The following OTUD7A variants were observed in gnomAD, a reference collection of about 807,000 sequenced individuals.
OTUD7A encodes the protein OTU domain-containing protein 7A.
Under a neutral mutation model 65.7 loss-of-function variants are expected in OTUD7A, and 12 were observed. The observed-to-expected ratio is 0.18, with a 90% CI of 0.12 to 0.30. OTUD7A has a LOEUF of 0.30. Ranked by LOEUF, OTUD7A falls within the 10% of genes least tolerant of loss-of-function variation. The pLI is 1.00. For synonymous variants in OTUD7A, 641 were observed against 586.3 expected, an observed-to-expected ratio of 1.09 and a Z score of -1.35; for missense variants, 1,148 against 1,304.8, an observed-to-expected ratio of 0.88 and a Z score of 1.85.
intron 3 of OTUD7A, among the ~76,000 whole-genome samples, chr15:31,612,182 G>A (rs1160329818): frequency 4.6e-5 from 7 of 152,146 alleles, no homozygotes; most frequent in Non-Finnish European, 1.0e-4. Context: ...CAAACCCACA[G>A]CCAACATAAT....
intron 1 of OTUD7A, among the ~76,000 whole-genome samples, chr15:31,848,037 A>G (rs1198675376): frequency 6.6e-6 from 1 of 152,158 alleles, no homozygotes; most frequent in Non-Finnish European, 1.5e-5. Context: ...CCCACATGAG[A>G]TTGGGGAGGG....
intron 8 of OTUD7A, among the ~76,000 whole-genome samples, chr15:31,507,673 C>T (rs929070685): frequency 6.6e-6 from 1 of 151,754 alleles, no homozygotes; most frequent in African/African-American, 2.4e-5. Context: ...CCTTATTGGC[C>T]CCTCCCATGT....
intron 1 of OTUD7A, among the ~76,000 whole-genome samples, chr15:31,720,473 C>T (rs1452361528): frequency 1.3e-5 from 2 of 151,082 alleles, no homozygotes; most frequent in African/African-American, 2.4e-5. Context: ...GCTCTCAGCT[C>T]ACTGTAGGCT....
chr15:31,829,063 T>C (rs1486076957), intron 1 of OTUD7A, among the ~76,000 whole-genome samples: 4 of 152,192 alleles, frequency 2.6e-5, no homozygotes, highest in Non-Finnish European at 4.4e-5. Context: ...TACATGATCA[T>C]GTCAACTAAT....
chr15:31,836,745 A>G (rs1233782964), intron 1 of OTUD7A, among the ~76,000 whole-genome samples: 1 of 152,206 alleles, frequency 6.6e-6, no homozygotes, highest in Non-Finnish European at 1.5e-5. Context: ...TCTAAAAACC[A>G]CCAGATCATA....
At chr15:31,506,390 G>A (rs1400142571) in intron 8 of OTUD7A, among the ~76,000 whole-genome samples, 2 of 152,016 alleles carry the variant, frequency 1.3e-5, no homozygotes, top group East Asian at 1.9e-4. Flanking sequence ...CCAGAATAAC[G>A]TGGACTTAAA....
In OTUD7A at chr15:31,767,429, C is replaced by G. The variant is rs1201748420; in HGVS notation, c.-100+103078G>C. 2.5e-5 allele frequency: 19 copies of G among 774,194 alleles called. No homozygotes were observed. In the Admixed American group the frequency reaches 3.2e-4, roughly 13 times the overall value. The allele number at this position is 774,194 out of a possible 1,614,324, so 48.0% of individuals were successfully genotyped here. A position where few individuals can be genotyped will look rare whatever the true frequency, so the allele number is the denominator to read the frequency against. On this transcript the variant is annotated intron_variant, in intron 1 of 12. Coordinates refer to ENST00000307050, the MANE Select transcript of OTUD7A (RefSeq NM_001382637.1). ...CAAATCCAACATAAGTTGGATTATT[C>G]ATATCATTGCTTCTTGGCCAATTTG... is the stretch of plus-strand genomic sequence containing the variant.
chr15:31,681,208 C>T (rs1282549091), intron 1 of OTUD7A, among the ~76,000 whole-genome samples: 1 of 151,476 alleles, frequency 6.6e-6, no homozygotes, highest in Admixed American at 6.6e-5. Context: ...TTTCTGTCTC[C>T]CCTTCTGTTG....
chr15:31,829,206 A>T (rs1346098884), intron 1 of OTUD7A, among the ~76,000 whole-genome samples: 1 of 152,218 alleles, frequency 6.6e-6, no homozygotes, highest in Non-Finnish European at 1.5e-5. Flanking sequence ...TCCTTGGAGG[A>T]CAGGGGTGGC....
chr15:31,637,284 C>G (rs1412331237), intron 3 of OTUD7A, among the ~76,000 whole-genome samples: 2 of 152,202 alleles, frequency 1.3e-5, no homozygotes, highest in African/African-American at 4.8e-5. Flanking sequence ...GACACTAAAT[C>G]TACTCTTCCT....
intron 6 of OTUD7A, among the ~76,000 whole-genome samples, chr15:31,529,587 G>A (rs1029353768): frequency 1.9e-4 from 29 of 152,342 alleles, no homozygotes; most frequent in African/African-American, 7.0e-4. Context: ...AAGCAGGTAA[G>A]TGGCTGCCTT....
intron 3 of OTUD7A, among the ~76,000 whole-genome samples, chr15:31,605,228 G>A (rs545166117): frequency 1.6e-4 from 24 of 152,242 alleles, no homozygotes; most frequent in Admixed American, 2.6e-4. Context: ...TATGTGGCAT[G>A]TGTGTGGCAG....
intron 3 of OTUD7A, among the ~76,000 whole-genome samples, chr15:31,632,759 T>C (rs2141251688): frequency 6.6e-6 from 1 of 151,372 alleles, no homozygotes; most frequent in South Asian, 2.1e-4. Context: ...CCTTGAGCTG[T>C]GGTGGGCTCC....
chr15:31,510,507 CATAT>C lies in OTUD7A; in HGVS notation c.894-6693_894-6690del, dbSNP rs200849637. Among the ~76,000 whole-genome samples the C allele has an allele frequency of 5.9e-3, 814 of 138,756 alleles. 3 individuals are homozygous for C. Among genetic ancestry groups the C allele is most frequent in the South Asian group, 0.029 (121 of 4,236 alleles). 91.0% of individuals were successfully genotyped at this position (138,756 alleles called of 152,430 possible). A position where few individuals can be genotyped will look rare whatever the true frequency, so the allele number is the denominator to read the frequency against. ...TGTATGTATATCTATATGTAACATACATATATATGTATATCTATATGTAACATAC... is the reference window on the plus strand; with the variant it reads ...TGTATGTATATCTATATGTAACATACATATGTATATCTATATGTAACATAC... On this transcript the variant is annotated intron_variant, in intron 8 of 12. Coordinates refer to ENST00000307050, the MANE Select transcript of OTUD7A (RefSeq NM_001382637.1).
At chr15:31,609,158 G>A (rs769830639) in intron 3 of OTUD7A, among the ~76,000 whole-genome samples, 1 of 152,174 alleles carries the variant, frequency 6.6e-6, no homozygotes, top group African/African-American at 2.4e-5. Context: ...GCAGTCAGAG[G>A]CAAAGGAAAA....
chr15:31,784,833 G>T (rs774982111), intron 1 of OTUD7A, among the ~76,000 whole-genome samples: 2 of 152,174 alleles, frequency 1.3e-5, no homozygotes, highest in African/African-American at 2.4e-5. Flanking sequence ...TGAATAGAAG[G>T]TGAGGAATGG....
chr15:31,522,963 T>G, intron 8 of OTUD7A, among the ~76,000 whole-genome samples: 1 of 152,228 alleles, frequency 6.6e-6, no homozygotes, highest in East Asian at 1.9e-4. Flanking sequence ...CAGAGCAGGA[T>G]GCAGGGCCCG....
intron 1 of OTUD7A, among the ~76,000 whole-genome samples, chr15:31,709,163 C>T (rs531258869): frequency 1.3e-3 from 196 of 151,562 alleles, no homozygotes; most frequent in Non-Finnish European, 2.5e-3. Flanking sequence ...CAGGCCAGAC[C>T]TCCTAGCTAC....
chr15:31,764,414 A>T (rs1895048503), intron 1 of OTUD7A, among the ~76,000 whole-genome samples: 1 of 152,182 alleles, frequency 6.6e-6, no homozygotes, highest in African/African-American at 2.4e-5. Context: ...TTAAACATTA[A>T]GATTTTATTA....
Sources: allele counts gnomAD v4.1 joint callset (sites outside exome capture counted in the v4.1 genomes callset), GRCh38; gene constraint gnomAD v4.1.1; transcripts MANE v1.5; gene names NCBI Gene and HGNC (gene_info 2026-07-23, HGNC 2026-07-21).